The following CD55 variants were observed in gnomAD, a reference collection of about 807,000 sequenced individuals.
The protein encoded by CD55 is complement decay-accelerating factor.
CD55 carries 41 observed loss-of-function variants against 45.8 expected under a neutral mutation model. The ratio of observed to expected loss-of-function variants is 0.90; its 90% CI spans 0.70 to 1.16. CD55 has a LOEUF of 1.16. Among genes scored for constraint, CD55 ranks in the 50% most tolerant of loss-of-function variants. The pLI is 0.00. For synonymous variants in CD55, 181 were observed against 181.1 expected (o/e 1.00, Z 0.01); for missense variants, 416 against 469.8 (o/e 0.89, Z 1.06).
intron 8 of CD55, among the ~76,000 whole-genome samples, chr1:207,337,928 C>A (rs28371627): frequency 3.3e-5 from 5 of 152,112 alleles, no homozygotes; most frequent in African/African-American, 7.2e-5. Context: ...GCTCTATAAA[C>A]GATAGGTTCT....
intron 9 of CD55, among the ~76,000 whole-genome samples, chr1:207,350,894 T>C (rs1655843090): frequency 6.6e-6 from 1 of 152,148 alleles, no homozygotes; most frequent in African/African-American, 2.4e-5. Context: ...TGCTAGCTTT[T>C]GGGTTGGTTT....
At chr1:207,329,983 C>T (rs1654867567) in intron 5 of CD55, among the ~76,000 whole-genome samples, 1 of 152,128 alleles carries the variant, frequency 6.6e-6, no homozygotes, top group Admixed American at 6.5e-5. Context: ...GATTCCCAGG[C>T]TGGCTACTTC....
At chr1:207,357,488 T>C (rs936366808) in intron 9 of CD55, among the ~76,000 whole-genome samples, 3 of 148,768 alleles carry the variant, frequency 2.0e-5, no homozygotes, top group African/African-American at 7.4e-5. Flanking sequence ...TTATAAAGTA[T>C]CAATGTATAG....
At chr1:207,339,346 T>C (rs938661388) in intron 8 of CD55, 51 bp from the exon 9 acceptor site, 1 of 1,464,198 alleles carries the variant, frequency 6.8e-7, no homozygotes. Flanking sequence ...AGCAAATCAA[T>C]GACTTTAACA....
In CD55 at chr1:207,325,792, T is replaced by C. The variant is rs1036794642; in HGVS notation, c.578+71T>C. 3.5e-6 allele frequency: 3 copies of C among 864,646 alleles called. No homozygotes were observed. In the African/African-American group the frequency reaches 5.0e-5, roughly 15 times the overall value. The allele number at this position is 864,646 out of a possible 1,614,324, so 53.6% of individuals were successfully genotyped here. On this transcript the variant is annotated intron_variant, in intron 4 of 9. Coordinates refer to ENST00000367064, the MANE Select transcript of CD55 (RefSeq NM_000574.5). The stretch of plus-strand genomic sequence containing the variant: ...CAAATTAGGACTTAAGGTGAGATTG[T>C]TAGTTTCATGACTGGTATTCACAGC...
chr1:207,323,365 A>G (rs28371595), intron 2 of CD55, among the ~76,000 whole-genome samples: 3,456 of 152,054 alleles, frequency 0.023, 139 homozygotes, highest in African/African-American at 0.079. Context: ...TTAAAAATGA[A>G]TAAGAGGCCC....
rs1269162327 is a variant in CD55 at position 207,324,671 on chromosome 1, C to T, written c.399C>T (p.Tyr133=). 1 of 1,612,914 alleles carries T rather than the reference C, an allele frequency of 6.2e-7. No individual in the cohort carries two copies. The highest frequency in any genetic ancestry group is 8.5e-7 in the Non-Finnish European group (1 of 1,179,416). Residue 133 remains tyrosine (Y), a synonymous_variant, in exon 3 of 10, where the codon TAC becomes TAT. Coordinates refer to ENST00000367064, the MANE Select transcript of CD55 (RefSeq NM_000574.5). Reference sequence around the variant, plus strand: ...TGGAATATGAGTGCCGTCCAGGTTACAGAAGAGAACCTTCTCTATCACCAA... The same window carrying T: ...TGGAATATGAGTGCCGTCCAGGTTATAGAAGAGAACCTTCTCTATCACCAA... ...TVVEYECRPG[Y]RREPSLSPKL...
intron 9 of CD55, chr1:207,340,499 G>A (rs895757124): frequency 8.7e-6 from 6 of 686,886 alleles, no homozygotes; most frequent in Non-Finnish European, 1.6e-5. Flanking sequence ...CCAAGTAGCT[G>A]GTACTACAGG....
At chr1:207,344,775 C>T (rs760341214) in intron 9 of CD55, among the ~76,000 whole-genome samples, 7 of 151,818 alleles carry the variant, frequency 4.6e-5, no homozygotes, top group Non-Finnish European at 1.0e-4. Flanking sequence ...TACAGTGGCG[C>T]AATCTCAGCT....
At chr1:207,343,797 T>C (rs1655524404) in intron 9 of CD55, among the ~76,000 whole-genome samples, 1 of 152,200 alleles carries the variant, frequency 6.6e-6, no homozygotes. Flanking sequence ...TTGGAGTCTA[T>C]CCCTTTAGAT....
intron 5 of CD55, among the ~76,000 whole-genome samples, chr1:207,327,390 G>A (rs1445951733): frequency 6.6e-6 from 1 of 152,152 alleles, no homozygotes; most frequent in African/African-American, 2.4e-5. Context: ...TCATTAGAGA[G>A]ATAAGCTTAT....
chr1:207,322,525 C>T lies in CD55; in HGVS notation c.244C>T (p.Leu82Phe), dbSNP rs759353838. ...TGGCGAGAAGGACTCAGTGATCTGC[C>T]TTAAGGGCAGTCAATGGTCAGATAT... ...IPGEKDSVIC[L>F]KGSQWSDIEE... The change falls in exon 2 of 10, where the codon CTT (leucine) becomes TTT (phenylalanine). Residue 82 changes from leucine (L) to phenylalanine (F), a missense_variant. Around this residue, in one of 3 missense-constraint regions of CD55, gnomAD observed 123 missense variants for 105.1 expected, o/e 1.17. Transcript: ENST00000367064. 2 of 1,614,018 alleles carry T rather than the reference C, an allele frequency of 1.2e-6. No homozygotes were observed. Among genetic ancestry groups the T allele is most frequent in the Non-Finnish European group, 8.5e-7 (1 of 1,179,972 alleles).
At position 207,331,257 on chromosome 1, in the gene CD55, G is replaced by A; in HGVS notation, c.814G>A (p.Asp272Asn). Residue 272 changes from aspartate (D) to asparagine (N), a missense_variant, in exon 6 of 10, where the codon GAT becomes AAT. Coordinates refer to ENST00000367064, the MANE Select transcript of CD55 (RefSeq NM_000574.5). ...EHSIYCTVNN[D>N]EGEWSGPPPE... Reference sequence around the variant, plus strand: ...CTCTATTTATTGTACTGTGAATAATGATGAAGGAGAGTGGAGTGGCCCACC... The same window carrying A: ...CTCTATTTATTGTACTGTGAATAATAATGAAGGAGAGTGGAGTGGCCCACC... 6.2e-7 allele frequency: 1 copy of A among 1,613,868 alleles called. No homozygotes were observed. The highest frequency in any genetic ancestry group is 8.5e-7 in the Non-Finnish European group (1 of 1,179,840).
In CD55 at chr1:207,356,200, G is replaced by A. The variant is rs533386534; in HGVS notation, c.1082-3346G>A. Reference sequence around the variant, plus strand: ...CCCTAATTCTAGTCATTGGACTATGGAAAATCAGAGTGAGCAGAAATTCTG... The same window carrying A: ...CCCTAATTCTAGTCATTGGACTATGAAAAATCAGAGTGAGCAGAAATTCTG... On this transcript the variant is annotated intron_variant, in intron 9 of 9. Coordinates refer to ENST00000367064, the MANE Select transcript of CD55 (RefSeq NM_000574.5). Among the ~76,000 whole-genome samples the A allele has an allele frequency of 1.3e-3, 205 of 152,174 alleles. 2 individuals are homozygous for A. Among genetic ancestry groups the A allele is most frequent in the African/African-American group, 4.8e-3 (201 of 41,512 alleles).
chr1:207,341,993 T>C (rs1238234958), intron 9 of CD55, among the ~76,000 whole-genome samples: 2 of 152,024 alleles, frequency 1.3e-5, no homozygotes, highest in Admixed American at 6.5e-5. Context: ...ATTTTATTTA[T>C]TTTTTTAGTT....
intron 6 of CD55, 42 bp from the exon 7 acceptor site, chr1:207,336,651 G>A: frequency 6.2e-7 from 1 of 1,608,248 alleles, no homozygotes; most frequent in Non-Finnish European, 8.5e-7. Context: ...AATGTGGCCA[G>A]CAATATTTAG....
chr1:207,340,652 C>T, intron 9 of CD55: 2 of 614,978 alleles, frequency 3.3e-6, no homozygotes, highest in Non-Finnish European at 5.9e-6. Flanking sequence ...TAAGTGTGAG[C>T]CACTGCACCT....
At chr1:207,337,483 T>C (rs1345925546) in intron 8 of CD55, 74 bp downstream of exon 8, 14 of 833,656 alleles carry the variant, frequency 1.7e-5, no homozygotes, top group Non-Finnish European at 2.5e-5. Context: ...TTGACCAAGA[T>C]TGCAGGATTA....
chr1:207,337,390 A>G lies in CD55; in HGVS notation c.1041A>G (p.Lys347=). The G allele has an allele frequency of 1.2e-6, 2 of 1,604,416 alleles. No homozygotes were observed. Among genetic ancestry groups the G allele is most frequent in the Non-Finnish European group, 1.7e-6 (2 of 1,171,182 alleles). The change falls in exon 8 of 10, where the codon AAA becomes AAG. Residue 347 remains lysine (K), a synonymous_variant. Coordinates refer to ENST00000367064, the MANE Select transcript of CD55 (RefSeq NM_000574.5). ...TKHFHETTPN[K]GSGTTSGTTR... is the part of the protein sequence containing the mutation. ...ATTTTCATGAAACAACCCCAAATAA[A>G]GGAAGTGGAACCACTTCAGGTCAGT...
Sources: allele counts gnomAD v4.1 joint callset (sites outside exome capture counted in the v4.1 genomes callset), GRCh38; gene constraint gnomAD v4.1.1; regional missense constraint gnomAD v4.1.1; transcripts MANE v1.5; gene names NCBI Gene and HGNC (gene_info 2026-07-23, HGNC 2026-07-21).